The following PRKN variants were observed in gnomAD, a reference collection of about 807,000 sequenced individuals.
The protein encoded by PRKN is parkin RBR E3 ubiquitin protein ligase, also known as E3 ubiquitin-protein ligase parkin.
Under a neutral mutation model 59.5 loss-of-function variants are expected in PRKN, and 56 were observed. The ratio of observed to expected loss-of-function variants is 0.94; its 90% CI spans 0.76 to 1.18. The LOEUF is 1.18. PRKN is among the 50% of genes most tolerant of loss of function. The pLI, the probability that PRKN is intolerant of heterozygous loss-of-function variation, is 0.00. For missense variants in PRKN, 657 were observed against 596.4 expected, an observed-to-expected ratio of 1.10 and a Z score of -1.06; for synonymous variants, 250 against 222.1, an observed-to-expected ratio of 1.13 and a Z score of -1.12.
At position 161,448,172 on chromosome 6, in the gene PRKN, C is replaced by T. The variant is rs565039104; in HGVS notation, c.1084-61295G>A. 5.6e-4 allele frequency among the ~76,000 whole-genome samples: 86 copies of T among 152,298 alleles called. No individual in the cohort carries two copies. The highest frequency in any genetic ancestry group is 2.0e-3 in the African/African-American group (83 of 41,556). ...ATTCTGTTCAGCGCCTCCCTTTTGC[C>T]TCCATAAAAGATCTTCACTTTTCCC... On this transcript the variant is annotated intron_variant, in intron 9 of 11. Transcript: ENST00000366898. The surrounding 1 kb of genome is among the most constrained non-coding windows in gnomAD (Gnocchi z 5.1).
intron 1 of PRKN, among the ~76,000 whole-genome samples, chr6:162,466,168 T>C (rs1791404061): frequency 6.6e-6 from 1 of 152,168 alleles, no homozygotes; most frequent in Non-Finnish European, 1.5e-5. Context: ...GATGTGGAAG[T>C]TTATGCATGT....
intron 1 of PRKN, among the ~76,000 whole-genome samples, chr6:162,572,233 T>C (rs1321378107): frequency 6.6e-6 from 1 of 152,140 alleles, no homozygotes; most frequent in South Asian, 2.1e-4. Flanking sequence ...AAAATCCATA[T>C]CCCAAATTAT....
intron 4 of PRKN, among the ~76,000 whole-genome samples, chr6:162,114,919 T>C (rs942216778): frequency 2.4e-4 from 36 of 151,884 alleles, no homozygotes; most frequent in Non-Finnish European, 3.8e-4. Context: ...AGTTCAACCA[T>C]TGTGGAAGTC....
At chr6:161,770,767 C>T (rs1192316474) in intron 7 of PRKN, among the ~76,000 whole-genome samples, 5 of 152,070 alleles carry the variant, frequency 3.3e-5, no homozygotes, top group South Asian at 2.1e-4. Context: ...TGTGCCTGGC[C>T]GGCAACAGGG....
At chr6:162,049,419 A>G (rs905544806) in intron 5 of PRKN, among the ~76,000 whole-genome samples, 2 of 152,154 alleles carry the variant, frequency 1.3e-5, no homozygotes, top group African/African-American at 4.8e-5. Flanking sequence ...AGAGAGTGAA[A>G]GAGTTGAGCT....
intron 1 of PRKN, among the ~76,000 whole-genome samples, chr6:162,715,146 T>C (rs766871672): frequency 5.9e-5 from 9 of 152,296 alleles, no homozygotes; most frequent in Middle Eastern, 3.4e-3. Flanking sequence ...CAACACCTGA[T>C]GGGATTCTGC....
intron 2 of PRKN, among the ~76,000 whole-genome samples, chr6:162,360,208 T>C (rs1161745222): frequency 6.6e-6 from 1 of 152,096 alleles, no homozygotes; most frequent in Non-Finnish European, 1.5e-5. Flanking sequence ...AAACAGAAAG[T>C]GTTCTTTCTA....
chr6:162,524,452 G>A (rs957822948), intron 1 of PRKN, among the ~76,000 whole-genome samples: 1 of 152,060 alleles, frequency 6.6e-6, no homozygotes, highest in African/African-American at 2.4e-5. Context: ...AATTGTTCAA[G>A]GACTAAGAGT....
At chr6:162,231,343 G>A (rs1281002035) in intron 3 of PRKN, among the ~76,000 whole-genome samples, 1 of 152,206 alleles carries the variant, frequency 6.6e-6, no homozygotes. Flanking sequence ...AATAGTGTTT[G>A]TAATTACAAA....
intron 2 of PRKN, among the ~76,000 whole-genome samples, chr6:162,425,699 G>C (rs1017459173): frequency 6.6e-6 from 1 of 152,164 alleles, no homozygotes; most frequent in African/African-American, 2.4e-5. Flanking sequence ...GCAGCACAAA[G>C]AGATAAAGTG....
At chr6:162,245,157 G>T (rs1267329071) in intron 3 of PRKN, among the ~76,000 whole-genome samples, 2 of 151,956 alleles carry the variant, frequency 1.3e-5, no homozygotes, top group African/African-American at 4.8e-5. Flanking sequence ...GAGATTACTG[G>T]TACTCTTTCA....
chr6:162,200,570 G>A (rs1784683579), intron 4 of PRKN, among the ~76,000 whole-genome samples: 2 of 152,112 alleles, frequency 1.3e-5, no homozygotes, highest in Non-Finnish European at 2.9e-5. Context: ...AACCAACTTT[G>A]CGTCAGGGGC....
intron 2 of PRKN, among the ~76,000 whole-genome samples, chr6:162,273,495 C>G (rs1780482823): frequency 6.6e-6 from 1 of 152,028 alleles, no homozygotes; most frequent in Non-Finnish European, 1.5e-5. Context: ...AAAAGGAACC[C>G]AAAAGAAATT....
intron 7 of PRKN, among the ~76,000 whole-genome samples, chr6:161,684,076 T>C (rs1271775392): frequency 6.6e-6 from 1 of 152,070 alleles, no homozygotes; most frequent in Non-Finnish European, 1.5e-5. Flanking sequence ...AAAGATATAT[T>C]CAAAATAATT....
At chr6:162,012,615 T>C (rs77644023) in intron 5 of PRKN, among the ~76,000 whole-genome samples, 12,687 of 152,186 alleles carry the variant, frequency 0.083, 611 homozygotes, top group African/African-American at 0.11. Context: ...GATAGAATGC[T>C]GTTACCTTAT....
At chr6:161,732,466 C>T (rs2128188711) in intron 7 of PRKN, among the ~76,000 whole-genome samples, 1 of 136,818 alleles carries the variant, frequency 7.3e-6, no homozygotes, top group Non-Finnish European at 1.5e-5. Flanking sequence ...GCTTGCATTT[C>T]TTCAGAGGTT....
At chr6:162,677,172 A>G (rs1486846169) in intron 1 of PRKN, among the ~76,000 whole-genome samples, 1 of 151,972 alleles carries the variant, frequency 6.6e-6, no homozygotes, top group Non-Finnish European at 1.5e-5. Context: ...ATCACAGGGC[A>G]TAGGAGATAA....
intron 4 of PRKN, among the ~76,000 whole-genome samples, chr6:162,092,823 A>G (rs1460360997): frequency 6.6e-6 from 1 of 152,234 alleles, no homozygotes; most frequent in African/African-American, 2.4e-5. Flanking sequence ...ATGCTGACGA[A>G]GTAGAAAATT....
rs1174232199 is a variant in PRKN, at chr6:161,704,152, G to A, written c.871+81620C>T. On this transcript the variant is annotated intron_variant, in intron 7 of 11. Transcript: ENST00000366898. ...ATTGCAGGTGTTAGCCACCACGCCCGGCCGAGGACATGCATCTTTGTTTAG... is the reference window on the plus strand; with the variant it reads ...ATTGCAGGTGTTAGCCACCACGCCCAGCCGAGGACATGCATCTTTGTTTAG... 9.2e-5 allele frequency among the ~76,000 whole-genome samples: 14 copies of A among 152,142 alleles called. No homozygotes were observed. In the East Asian group the frequency reaches 1.6e-3, roughly 17 times the overall value.
Sources: gnomAD v4.1 joint callset for allele counts (sites outside exome capture counted in the v4.1 genomes callset) on GRCh38, gnomAD v4.1.1 for gene constraint, Gnocchi (gnomAD v3.1) non-coding constraint, MANE v1.5 for transcripts, NCBI Gene and HGNC (gene_info 2026-07-23, HGNC 2026-07-21) for gene names.